The following LHPP variants were observed in gnomAD, a reference collection of about 807,000 sequenced individuals.
LHPP encodes phospholysine phosphohistidine inorganic pyrophosphate phosphatase, also known as hLHPP.
In LHPP, 24 loss-of-function variants were observed where a neutral mutation model predicts 30.3. The ratio of observed to expected loss-of-function variants is 0.79; its 90% CI spans 0.57 to 1.11. The LOEUF (loss-of-function observed/expected upper bound fraction) is 1.11. Ranked by LOEUF, LHPP falls within the 50% of genes most tolerant of loss-of-function variation. LHPP has a pLI of 0.00. For missense variants in LHPP, 356 were observed against 367.2 expected, an observed-to-expected ratio of 0.97 and a Z score of 0.25; for synonymous variants, 150 against 157.1, an observed-to-expected ratio of 0.95 and a Z score of 0.34.
intron 1 of LHPP, among the ~76,000 whole-genome samples, chr10:124,482,922 C>T (rs1953187017): frequency 6.6e-6 from 1 of 152,232 alleles, no homozygotes; most frequent in Non-Finnish European, 1.5e-5. Flanking sequence ...TGGATGGTGG[C>T]CTGGAGATCA....
intron 6 of LHPP, among the ~76,000 whole-genome samples, chr10:124,611,674 G>A (rs11819478): frequency 0.14 from 20,869 of 152,030 alleles, 1,678 homozygotes; most frequent in East Asian, 0.25. Flanking sequence ...AGGGCCAGGA[G>A]GTAGCCTCCA....
intron 6 of LHPP, among the ~76,000 whole-genome samples, chr10:124,573,791 T>C (rs1948619420): frequency 6.6e-6 from 1 of 152,114 alleles, no homozygotes; most frequent in Admixed American, 6.5e-5. Flanking sequence ...ATCATGGACT[T>C]GGGCCCCCTA....
Position 124,510,651 on chromosome 10 carries a change from T to C in LHPP, c.625-6529T>C, listed in dbSNP as rs1383170392. Among the ~76,000 whole-genome samples the C allele has an allele frequency of 6.6e-6, 1 of 152,244 alleles. No homozygotes were observed. Among genetic ancestry groups the C allele is most frequent in the East Asian group, 1.9e-4 (1 of 5,206 alleles). On this transcript the variant is annotated intron_variant, in intron 5 of 6. Transcript: ENST00000368842. This position sits in a 1 kb window ranked among gnomAD's most constrained non-coding sequence, Gnocchi z 4.0. ...TCTGGTTTTGTATGTGGGAGGAGCA[T>C]GCACACAGTTTCATTTTCCCCGGAA...
chr10:124,466,260 C>T (rs777984881), intron 1 of LHPP, among the ~76,000 whole-genome samples: 12 of 152,258 alleles, frequency 7.9e-5, no homozygotes, highest in East Asian at 1.9e-4. Context: ...GCAGGATGCA[C>T]GGTGCGCTGT....
intron 3 of LHPP, among the ~76,000 whole-genome samples, chr10:124,489,643 G>A (rs1039035986): frequency 5.4e-4 from 82 of 152,122 alleles, no homozygotes; most frequent in African/African-American, 1.8e-3. Flanking sequence ...TGGTAGAGGC[G>A]GGGTTTCACC....
chr10:124,487,733 C>T (rs998022938), intron 2 of LHPP, among the ~76,000 whole-genome samples: 3 of 152,092 alleles, frequency 2.0e-5, no homozygotes, highest in South Asian at 2.1e-4. Context: ...CATGAGCCAC[C>T]GCACCTGGCC....
intron 6 of LHPP, among the ~76,000 whole-genome samples, chr10:124,582,392 A>T (rs1444822829): frequency 6.6e-6 from 1 of 152,188 alleles, no homozygotes; most frequent in Non-Finnish European, 1.5e-5. Context: ...CCTCCTTTGC[A>T]CATTTTAAAA....
At position 124,499,258 on chromosome 10, in the gene LHPP, C is replaced by T. The variant is rs180701877; in HGVS notation, c.624+1130C>T. On this transcript the variant is annotated intron_variant, in intron 5 of 6. Transcript: ENST00000368842. ...CTGGTTTTAAACTCCTAGCTCAAGCCGTCCTCCTGCCTCGGCCTCCCAAAG... is the reference window on the plus strand; with the variant it reads ...CTGGTTTTAAACTCCTAGCTCAAGCTGTCCTCCTGCCTCGGCCTCCCAAAG... 3.0e-3 allele frequency among the ~76,000 whole-genome samples: 449 copies of T among 151,884 alleles called. 10 individuals are homozygous for T. Among genetic ancestry groups the T allele is most frequent in the African/African-American group, 9.7e-3 (402 of 41,280 alleles).
chr10:124,503,151 C>T (rs1953960921), intron 5 of LHPP, among the ~76,000 whole-genome samples: 3 of 151,782 alleles, frequency 2.0e-5, no homozygotes, highest in Admixed American at 2.0e-4. Flanking sequence ...ACCACAACCC[C>T]CTCCTCCTGG....
intron 5 of LHPP, among the ~76,000 whole-genome samples, chr10:124,515,475 A>G (rs994777132): frequency 3.9e-5 from 6 of 152,148 alleles, no homozygotes; most frequent in African/African-American, 1.4e-4. Context: ...GGATAAACTC[A>G]TCTTTCTCCT....
rs2133900544 is a variant in LHPP, at chr10:124,510,318, C to T, written c.625-6862C>T. Among the ~76,000 whole-genome samples the T allele has an allele frequency of 6.6e-6, 1 of 152,362 alleles. No individual in the cohort carries two copies. The highest frequency in any genetic ancestry group is 1.5e-5 in the Non-Finnish European group (1 of 68,036). On this transcript the variant is annotated intron_variant, in intron 5 of 6. Transcript: ENST00000368842. This position sits in a 1 kb window ranked among gnomAD's most constrained non-coding sequence, Gnocchi z 4.0. ...AGTAAATCTGGGAATCCCCTGGGGT[C>T]CTGAGCGCACTTTGGTATGCGGAGC...
At chr10:124,595,589 A>C (rs138283465) in intron 6 of LHPP, among the ~76,000 whole-genome samples, 1 of 152,188 alleles carries the variant, frequency 6.6e-6, no homozygotes, top group Admixed American at 6.5e-5. Flanking sequence ...CAGGGAACTC[A>C]AAGCTAAGTT....
At chr10:124,524,299 C>CA (rs1417070579) in intron 6 of LHPP, among the ~76,000 whole-genome samples, 2 of 132,400 alleles carry the variant, frequency 1.5e-5, no homozygotes, top group Non-Finnish European at 3.1e-5. Context: ...TTTTTTGAGA[C>CA]AGAGTCTCAC....
chr10:124,598,211 G>A (rs1477368530), intron 6 of LHPP, among the ~76,000 whole-genome samples: 2 of 152,272 alleles, frequency 1.3e-5, no homozygotes. Flanking sequence ...GATTGGCACT[G>A]CCAGGAGTAA....
intron 5 of LHPP, among the ~76,000 whole-genome samples, chr10:124,501,256 A>T (rs1000529821): frequency 1.3e-5 from 2 of 151,760 alleles, no homozygotes; most frequent in Non-Finnish European, 2.9e-5. Context: ...GGTGCAGGGG[A>T]ATGGGGAGTG....
intron 1 of LHPP, among the ~76,000 whole-genome samples, chr10:124,468,960 G>A (rs1952642737): frequency 6.6e-6 from 1 of 152,234 alleles, no homozygotes; most frequent in Admixed American, 6.5e-5. Context: ...GGATTTTCCA[G>A]AGATGCAGGA....
At chr10:124,588,762 C>A (rs1190080896) in intron 6 of LHPP, among the ~76,000 whole-genome samples, 1 of 152,198 alleles carries the variant, frequency 6.6e-6, no homozygotes, top group African/African-American at 2.4e-5. Context: ...GCTCCCCCAA[C>A]ACTGCCTTCC....
chr10:124,543,896 G>T (rs1160913985), intron 6 of LHPP, among the ~76,000 whole-genome samples: 5 of 152,154 alleles, frequency 3.3e-5, no homozygotes, highest in Non-Finnish European at 7.4e-5. Context: ...ATTTTGTTCA[G>T]CCTGTTTTTT....
intron 6 of LHPP, among the ~76,000 whole-genome samples, chr10:124,549,117 C>T (rs1047157910): frequency 6.6e-6 from 1 of 152,100 alleles, no homozygotes; most frequent in African/African-American, 2.4e-5. Flanking sequence ...AACAATTTTC[C>T]GCAACGCATT....
Sources: allele counts gnomAD v4.1 joint callset (sites outside exome capture counted in the v4.1 genomes callset), GRCh38; gene constraint gnomAD v4.1.1; non-coding constraint Gnocchi (gnomAD v3.1); transcripts MANE v1.5; gene names NCBI Gene and HGNC (gene_info 2026-07-23, HGNC 2026-07-21).